AXL: variants seen among roughly 807,000 people sequenced by gnomAD.
The protein encoded by AXL is AXL receptor tyrosine kinase.
A neutral mutation model predicts 104.5 loss-of-function variants in AXL; 52 were observed. That is an observed-to-expected ratio of 0.50 (90% CI 0.40 to 0.63). The LOEUF is 0.63. Ranked by LOEUF, AXL falls within the 20% of genes least tolerant of loss-of-function variation. The pLI, the probability that AXL is intolerant of heterozygous loss-of-function variation, is 0.00. For synonymous variants in AXL, 455 were observed against 473.7 expected, an observed-to-expected ratio of 0.96 and a Z score of 0.51; for missense variants, 1,024 against 1,188.5, an observed-to-expected ratio of 0.86 and a Z score of 2.04.
intron 6 of AXL, among the ~76,000 whole-genome samples, chr19:41,232,536 T>A (rs1257075843): frequency 6.6e-6 from 1 of 151,228 alleles, no homozygotes; most frequent in East Asian, 1.9e-4. Context: ...GGCAGGAGAA[T>A]CCCTTGAACC....
chr19:41,252,423 C>T lies in AXL; in HGVS notation c.1784C>T (p.Pro595Leu), dbSNP rs772677280. 3.7e-6 allele frequency: 6 copies of T among 1,613,866 alleles called. No individual in the cohort carries two copies. The South Asian group carries it at 4.4e-5, about 12-fold the overall frequency. Reference protein sequence around the residue: ...EAVCMKEFDHPNVMRLIGVCF... With the variant: ...EAVCMKEFDHLNVMRLIGVCF... ...GTCTGCATGAAGGAATTTGACCATCCCAACGTCATGAGGCTCATCGGTGAG... is the reference window on the plus strand; with the variant it reads ...GTCTGCATGAAGGAATTTGACCATCTCAACGTCATGAGGCTCATCGGTGAG... Residue 595 changes from proline (P) to leucine (L), a missense_variant, in exon 15 of 20, where the codon CCC (proline) becomes CTC (leucine). Physicochemically the swap from Pro to Leu is moderately conservative, Grantham distance 98. Coordinates refer to ENST00000301178, the MANE Select transcript of AXL (RefSeq NM_021913.5).
chr19:41,243,040 C>T (rs756552043), intron 11 of AXL, 25 bp downstream of exon 11: 1 of 1,613,938 alleles, frequency 6.2e-7, no homozygotes, highest in Non-Finnish European at 8.5e-7. Context: ...CATGGGGAGG[C>T]TGTGTGGCCT....
intron 10 of AXL, among the ~76,000 whole-genome samples, chr19:41,242,576 C>T (rs1428372151): frequency 2.6e-5 from 4 of 152,094 alleles, no homozygotes; most frequent in East Asian, 1.9e-4. Context: ...GTAACCCACC[C>T]GCCTTGGCCT....
chr19:41,219,315 G>A lies in AXL; in HGVS notation c.-78G>A, dbSNP rs2033740674. ...CCAAATCCGGGGAGCCTGGAGCTGG[G>A]GGGAGGGCCGGGGACAGCCCGGCCC... On this transcript the variant is annotated 5_prime_UTR_variant, in exon 1 of 20. Transcript: ENST00000301178. The A allele has an allele frequency of 7.2e-7, 1 of 1,385,344 alleles. No individual in the cohort carries two copies. The highest frequency in any genetic ancestry group is 2.5e-5 in the Admixed American group (1 of 39,288). 85.8% of individuals were successfully genotyped at this position (1,385,344 alleles called of 1,614,324 possible). A position where few individuals can be genotyped will look rare whatever the true frequency, so the allele number is the denominator to read the frequency against.
intron 12 of AXL, among the ~76,000 whole-genome samples, chr19:41,247,889 G>T (rs1028441612): frequency 2.0e-5 from 3 of 146,964 alleles, no homozygotes; most frequent in African/African-American, 7.7e-5. Context: ...CCAGCAAAAA[G>T]AAATATTTTT....
At chr19:41,244,572 C>T (rs1327466595) in intron 12 of AXL, among the ~76,000 whole-genome samples, 12 of 152,020 alleles carry the variant, frequency 7.9e-5, no homozygotes, top group Non-Finnish European at 7.4e-5. Context: ...CTTCACCTCC[C>T]AGGTTCAAGT....
chr19:41,230,153 TTCTGTGTCTGTG>T (rs994445706), intron 4 of AXL, among the ~76,000 whole-genome samples: 2 of 112,140 alleles, frequency 1.8e-5, no homozygotes, highest in Non-Finnish European at 3.9e-5. Flanking sequence ...CTGTGTCTGT[TTCTGTGTCTGTG>T]TCTGTGTCTG....
intron 19 of AXL, among the ~76,000 whole-genome samples, chr19:41,259,083 A>C (rs865998378): frequency 2.6e-5 from 4 of 152,216 alleles, no homozygotes; most frequent in African/African-American, 7.2e-5. Flanking sequence ...TTTATGACCT[A>C]GTCTCAGAAG....
In AXL at chr19:41,238,656, G is replaced by A. The variant is rs573421713; in HGVS notation, c.1134+47G>A. 3.2e-6 allele frequency: 5 copies of A among 1,569,796 alleles called. No homozygotes were observed. The African/African-American group carries it at 6.7e-5, about 21-fold the overall frequency. ...GGAGTGGAGTGGCTTGGGGAGGAGG[G>A]AGGAGAACATATCAGGGCAGACATA... On this transcript the variant is annotated intron_variant, in intron 8 of 19. Coordinates refer to ENST00000301178, the MANE Select transcript of AXL (RefSeq NM_021913.5).
chr19:41,226,875 C>A, intron 4 of AXL: 1 of 862,042 alleles, frequency 1.2e-6, no homozygotes, highest in Non-Finnish European at 1.4e-6. Flanking sequence ...GGGAGGATCG[C>A]TTGGGGCCAG....
chr19:41,257,762 C>T, intron 19 of AXL, 133 bp downstream of exon 19: 13 of 1,178,736 alleles, frequency 1.1e-5, no homozygotes, highest in Non-Finnish European at 1.6e-5. Context: ...CCCACTTGCC[C>T]CTCACCAATG....
At chr19:41,220,357 A>C in intron 1 of AXL, 5 of 384,956 alleles carry the variant, frequency 1.3e-5, no homozygotes, top group African/African-American at 2.1e-5. Flanking sequence ...CGGAGGGGGC[A>C]GGGGCTGGCC....
chr19:41,254,708 C>T (rs2034426397), intron 17 of AXL, among the ~76,000 whole-genome samples: 1 of 151,534 alleles, frequency 6.6e-6, no homozygotes, highest in Non-Finnish European at 1.5e-5. Flanking sequence ...CACTTGTACC[C>T]AGGAGTTCAA....
intron 12 of AXL, among the ~76,000 whole-genome samples, chr19:41,244,327 T>C (rs570235930): frequency 6.6e-6 from 1 of 152,206 alleles, no homozygotes; most frequent in Non-Finnish European, 1.5e-5. Context: ...ATGATGATGA[T>C]GAAATAATGT....
intron 2 of AXL, 124 bp from the exon 3 acceptor site, chr19:41,221,022 A>C: frequency 8.7e-7 from 1 of 1,152,824 alleles, no homozygotes; most frequent in Non-Finnish European, 1.2e-6. Flanking sequence ...TGAGTTAATA[A>C]TAGGACATAC....
rs564020313 is a variant in AXL at position 41,220,551 on chromosome 19, C to T, written c.86-85C>T. 69 of 1,247,818 alleles carry T rather than the reference C, an allele frequency of 5.5e-5. No individual in the cohort carries two copies. The Middle Eastern group carries it at 6.2e-4, about 11-fold the overall frequency. 77.3% of individuals were successfully genotyped at this position (1,247,818 alleles called of 1,614,324 possible). A position where few individuals can be genotyped will look rare whatever the true frequency, so the allele number is the denominator to read the frequency against. The stretch of plus-strand genomic sequence containing the variant: ...AAGGGCCTGGCGGGGTCCTGGCCGC[C>T]GGTGGGCAGGCAAGGACAGGGTGGA... On this transcript the variant is annotated intron_variant, in intron 1 of 19. Coordinates refer to ENST00000301178, the MANE Select transcript of AXL (RefSeq NM_021913.5).
chr19:41,231,361 C>G, intron 6 of AXL, 63 bp downstream of exon 6: 1 of 1,426,886 alleles, frequency 7.0e-7, no homozygotes, highest in African/African-American at 1.4e-5. Context: ...TCCACAACCC[C>G]CATCCTCTCC....
Position 41,260,299 on chromosome 19 carries a change from T to A in AXL, c.*395T>A, listed in dbSNP as rs555979915. 99 of 37,262 alleles carry A rather than the reference T, an allele frequency of 2.7e-3. No individual in the cohort carries two copies. The highest frequency in any genetic ancestry group is 8.3e-3 in the Middle Eastern group (1 of 120). 2.3% of individuals were successfully genotyped at this position (37,262 alleles called of 1,614,324 possible). On this transcript the variant is annotated 3_prime_UTR_variant, in exon 20 of 20. Transcript: ENST00000301178. Reference sequence around the variant, plus strand: ...AAAGTGCTAAGGTTCTAAGGCCTACTTTTTTTTTTTTTTTTTTTTTTTTTT... The same window carrying A: ...AAAGTGCTAAGGTTCTAAGGCCTACATTTTTTTTTTTTTTTTTTTTTTTTT...
At chr19:41,242,004 C>T (rs960713011) in intron 10 of AXL, among the ~76,000 whole-genome samples, 2 of 152,164 alleles carry the variant, frequency 1.3e-5, no homozygotes, top group South Asian at 2.1e-4. Context: ...ACACTCTAGT[C>T]CACCCTTCTT....
Sources: gnomAD v4.1 joint callset for allele counts (sites outside exome capture counted in the v4.1 genomes callset) on GRCh38, gnomAD v4.1.1 for gene constraint, MANE v1.5 for transcripts, NCBI Gene and HGNC (gene_info 2026-07-23, HGNC 2026-07-21) for gene names.